Variants in QTMAN observed in about 807,000 individuals in gnomAD.
QTMAN encodes tRNA-queuosine alpha-mannosyltransferase.
At chr2:144,317,773 A>G in the QTMAN span, among the ~76,000 whole-genome samples, 12 of 152,212 alleles carry the variant, frequency 7.9e-5, no homozygotes, top group African/African-American at 2.9e-4. Flanking sequence ...ATTATATTCA[A>G]TAAATCAATT....
the QTMAN span, among the ~76,000 whole-genome samples, chr2:144,185,649 A>G: frequency 5.3e-4 from 81 of 152,122 alleles, no homozygotes; most frequent in Non-Finnish European, 3.5e-4. Context: ...AATTTTAAAC[A>G]AGGGCTGGTT....
At chr2:143,996,960 G>T in the QTMAN span, among the ~76,000 whole-genome samples, 2 of 152,046 alleles carry the variant, frequency 1.3e-5, no homozygotes, top group East Asian at 3.9e-4. Flanking sequence ...AAATTTTAAT[G>T]ATTTAGTTTT....
At chr2:144,087,651 T>C in the QTMAN span, among the ~76,000 whole-genome samples, 1 of 152,022 alleles carries the variant, frequency 6.6e-6, no homozygotes, top group Non-Finnish European at 1.5e-5. Context: ...GAAGGATTTA[T>C]ACCAGAAATC....
the QTMAN span, among the ~76,000 whole-genome samples, chr2:144,159,104 T>G: frequency 1.3e-5 from 2 of 152,018 alleles, no homozygotes; most frequent in African/African-American, 4.8e-5. Flanking sequence ...ATGCACAAAC[T>G]GCAGATCATA....
At chr2:144,332,954 C>T in the QTMAN span, among the ~76,000 whole-genome samples, 1 of 152,180 alleles carries the variant, frequency 6.6e-6, no homozygotes, top group Admixed American at 6.5e-5. Flanking sequence ...CCAGCCGGCC[C>T]GTTGCATCTC....
the QTMAN span, among the ~76,000 whole-genome samples, chr2:143,951,500 C>T: frequency 6.6e-5 from 10 of 151,302 alleles, no homozygotes; most frequent in African/African-American, 1.7e-4. Context: ...TTAAACTGGA[C>T]GCGAGAAATA....
chr2:144,241,946 T>A, the QTMAN span, among the ~76,000 whole-genome samples: 2 of 152,134 alleles, frequency 1.3e-5, no homozygotes, highest in Non-Finnish European at 2.9e-5. Context: ...CACATATGAT[T>A]TCATTCTTAA....
chr2:143,986,801 T>C, the QTMAN span, among the ~76,000 whole-genome samples: 1 of 152,178 alleles, frequency 6.6e-6, no homozygotes, highest in African/African-American at 2.4e-5. Context: ...CACATGTATG[T>C]GTGTATCTCC....
chr2:144,330,160 A>G, the QTMAN span, among the ~76,000 whole-genome samples: 1 of 152,240 alleles, frequency 6.6e-6, no homozygotes, highest in Non-Finnish European at 1.5e-5. Flanking sequence ...ATCACATGAC[A>G]TTTCAGTCAA....
the QTMAN span, among the ~76,000 whole-genome samples, chr2:144,209,009 G>A: frequency 2.0e-5 from 3 of 152,140 alleles, no homozygotes; most frequent in African/African-American, 4.8e-5. Context: ...AAATAAAGGT[G>A]TCTTTATTTT....
the QTMAN span, among the ~76,000 whole-genome samples, chr2:144,092,459 G>C: frequency 6.6e-6 from 1 of 152,120 alleles, no homozygotes; most frequent in Admixed American, 6.5e-5. Flanking sequence ...ACAGGCATGA[G>C]CCACCACGCC....
chr2:144,160,551 G>GT, the QTMAN span, among the ~76,000 whole-genome samples: 3 of 152,096 alleles, frequency 2.0e-5, no homozygotes, highest in Non-Finnish European at 2.9e-5. Context: ...CTTTGAAGTT[G>GT]TAAGATTATC....
the QTMAN span, among the ~76,000 whole-genome samples, chr2:144,223,279 T>TA: frequency 6.6e-5 from 10 of 152,136 alleles, 1 homozygote; most frequent in Middle Eastern, 0.01. Flanking sequence ...AAAAAACTAA[T>TA]AAAATATGAA....
chr2:144,302,049 C>T, the QTMAN span, among the ~76,000 whole-genome samples: 1 of 152,140 alleles, frequency 6.6e-6, no homozygotes, highest in Non-Finnish European at 1.5e-5. Context: ...CCCTGACTTA[C>T]ACACCTAGCT....
chr2:144,266,335 A>C, the QTMAN span, among the ~76,000 whole-genome samples: 5 of 152,348 alleles, frequency 3.3e-5, no homozygotes, highest in South Asian at 1.0e-3. Flanking sequence ...GTGGTTGTAA[A>C]AAAGAATCAG....
the QTMAN span, among the ~76,000 whole-genome samples, chr2:144,225,720 C>T: frequency 1.3e-5 from 2 of 152,178 alleles, no homozygotes; most frequent in African/African-American, 2.4e-5. Flanking sequence ...TCATCTCATC[C>T]GTGAAGACTT....
the QTMAN span, among the ~76,000 whole-genome samples, chr2:144,207,571 C>A: frequency 6.6e-6 from 1 of 152,194 alleles, no homozygotes; most frequent in Non-Finnish European, 1.5e-5. Flanking sequence ...GTCCTACACA[C>A]AGGCTTATCC....
chr2:144,223,404 G>A, the QTMAN span, among the ~76,000 whole-genome samples: 40 of 152,156 alleles, frequency 2.6e-4, no homozygotes, highest in African/African-American at 9.6e-4. Context: ...AACTTGATAT[G>A]AAAAAGAAAT....
At chr2:143,982,192 G>A in the QTMAN span, among the ~76,000 whole-genome samples, 4 of 151,852 alleles carry the variant, frequency 2.6e-5, no homozygotes, top group South Asian at 2.1e-4. Flanking sequence ...TATACTTACT[G>A]CTAGTGAGTA....
Sources: allele counts gnomAD v4.1 joint callset (sites outside exome capture counted in the v4.1 genomes callset), GRCh38; gene constraint gnomAD v4.1.1; transcripts MANE v1.5; gene names NCBI Gene and HGNC (gene_info 2026-07-23, HGNC 2026-07-21).